The following ASTN1 variants were observed in gnomAD, a reference collection of about 807,000 sequenced individuals.
ASTN1 encodes astrotactin-1.
ASTN1 carries 41 observed loss-of-function variants against 140.7 expected under a neutral mutation model. The ratio of observed to expected loss-of-function variants is 0.29; its 90% CI spans 0.23 to 0.38. The LOEUF (loss-of-function observed/expected upper bound fraction) is 0.38. Among genes scored for constraint, ASTN1 ranks in the 10% least tolerant of loss-of-function variants. The pLI, the probability that ASTN1 is intolerant of heterozygous loss-of-function variation, is 1.00. For missense variants in ASTN1, 1,479 were observed against 1,678.8 expected (o/e 0.88, Z 2.08); for synonymous variants, 640 against 652.2 (o/e 0.98, Z 0.29).
At position 176,935,336 on chromosome 1, in the gene ASTN1, C is replaced by T. The variant is rs115998842; in HGVS notation, c.2482+930G>A. Among the ~76,000 whole-genome samples the T allele has an allele frequency of 7.9e-3, 1,201 of 152,308 alleles. 14 individuals are homozygous for T. The highest frequency in any genetic ancestry group is 0.027 in the African/African-American group (1,139 of 41,548). ...ATGCACAGCATCTGTGCTGGGTGCA[C>T]ATTGACTATGTAAATGGAGTAAAGT... On this transcript the variant is annotated intron_variant, in intron 15 of 22. Transcript: ENST00000361833.
chr1:176,897,080 G>C (rs960459946), intron 16 of ASTN1, among the ~76,000 whole-genome samples: 1 of 152,014 alleles, frequency 6.6e-6, no homozygotes, highest in African/African-American at 2.4e-5. Flanking sequence ...TTCGAGACCA[G>C]CCTGGCCAAC....
chr1:177,008,527 G>A (rs1234944252), intron 8 of ASTN1, among the ~76,000 whole-genome samples: 1 of 149,186 alleles, frequency 6.7e-6, no homozygotes, highest in African/African-American at 2.5e-5. Context: ...GATAGGAAGA[G>A]GGAGAGGAAG....
At chr1:176,969,704 C>T (rs1371669993) in intron 8 of ASTN1, among the ~76,000 whole-genome samples, 4 of 152,148 alleles carry the variant, frequency 2.6e-5, no homozygotes, top group African/African-American at 7.2e-5. Flanking sequence ...ACCCTGCCAT[C>T]GGAAGGAACT....
At position 176,894,713 on chromosome 1, in the gene ASTN1, C is replaced by A. The variant is rs778594879; in HGVS notation, c.2789G>T (p.Arg930Leu). ...SGTKHMAAGV[R>L]MECHSKGRCP... ...TCGTCCCTTGCTGTGGCACTCCATG[C>A]GGACTCCAGCCGCCATGTGCTTGGT... is the stretch of plus-strand genomic sequence containing the variant. The change falls in exon 17 of 23, where the codon CGC becomes CTC. Residue 930 changes from arginine to leucine, a missense_variant. Physicochemically the swap from Arg to Leu is moderately radical, Grantham distance 102. Around this residue, in one of 3 missense-constraint regions of ASTN1, gnomAD observed 746 missense variants for 800.9 expected, o/e 0.93. Transcript: ENST00000361833. 17 of 1,613,958 alleles carry A rather than the reference C, an allele frequency of 1.1e-5. No individual in the cohort carries two copies. Among genetic ancestry groups the A allele is most frequent in the Non-Finnish European group, 1.3e-5 (15 of 1,180,018 alleles).
At chr1:176,977,325 T>C (rs938630850) in intron 8 of ASTN1, among the ~76,000 whole-genome samples, 1 of 152,228 alleles carries the variant, frequency 6.6e-6, no homozygotes, top group Non-Finnish European at 1.5e-5. Flanking sequence ...TTAAAAAATA[T>C]TATCCAGTTT....
intron 20 of ASTN1, 83 bp downstream of exon 20, chr1:176,882,776 G>T (rs1427640756): frequency 1.9e-6 from 3 of 1,560,130 alleles, no homozygotes; most frequent in Non-Finnish European, 2.6e-6. Context: ...GTCTCTAAAG[G>T]AACTCAAGTA....
intron 2 of ASTN1, among the ~76,000 whole-genome samples, chr1:177,048,383 G>T (rs901223312): frequency 1.3e-5 from 2 of 152,182 alleles, no homozygotes; most frequent in Non-Finnish European, 2.9e-5. Flanking sequence ...GCAAGGCAGA[G>T]TCCACCATCC....
intron 8 of ASTN1, among the ~76,000 whole-genome samples, chr1:176,994,090 A>T (rs866189691): frequency 6.6e-6 from 1 of 151,560 alleles, no homozygotes; most frequent in South Asian, 2.1e-4. Flanking sequence ...AGTACTTGAA[A>T]GTTTTCACCC....
downstream of ASTN1, among the ~76,000 whole-genome samples, chr1:176,858,348 C>T (rs996477122): frequency 2.6e-5 from 4 of 152,176 alleles, no homozygotes; most frequent in Non-Finnish European, 5.9e-5. Context: ...TGCTCATTAA[C>T]TGCTCACTTG....
intron 16 of ASTN1, among the ~76,000 whole-genome samples, chr1:176,906,506 G>T (rs1670006741): frequency 6.6e-6 from 1 of 152,086 alleles, no homozygotes; most frequent in African/African-American, 2.4e-5. Flanking sequence ...TATGATAAGA[G>T]GTGTTATTAG....
intron 21 of ASTN1, 66 bp downstream of exon 21, chr1:176,876,471 C>T: frequency 3.9e-6 from 6 of 1,539,092 alleles, no homozygotes; most frequent in Non-Finnish European, 5.4e-6. Flanking sequence ...TCCTTCTGTC[C>T]TCATAGCAAG....
At chr1:176,986,744 C>T (rs1301247720) in intron 8 of ASTN1, among the ~76,000 whole-genome samples, 2 of 152,094 alleles carry the variant, frequency 1.3e-5, no homozygotes, top group Non-Finnish European at 2.9e-5. Context: ...CCATGTAGAA[C>T]AACGATAATA....
intron 1 of ASTN1, among the ~76,000 whole-genome samples, chr1:177,154,252 T>C (rs1558134785): frequency 6.6e-6 from 1 of 152,224 alleles, no homozygotes; most frequent in Non-Finnish European, 1.5e-5. Flanking sequence ...ACAGTCAGAA[T>C]CAATGGATAA....
intron 5 of ASTN1, among the ~76,000 whole-genome samples, chr1:177,028,346 C>T (rs944072484): frequency 3.9e-5 from 6 of 152,108 alleles, no homozygotes; most frequent in African/African-American, 1.4e-4. Context: ...ATTCTCGCCT[C>T]ACAGAACCTG....
At chr1:176,858,192 G>A (rs1667869161), downstream of ASTN1, among the ~76,000 whole-genome samples, 1 of 152,142 alleles carries the variant, frequency 6.6e-6, no homozygotes, top group African/African-American at 2.4e-5. Flanking sequence ...AGCAGACACT[G>A]CAAACTACCA....
intron 7 of ASTN1, among the ~76,000 whole-genome samples, chr1:177,017,692 C>T (rs902020714): frequency 6.6e-6 from 1 of 152,164 alleles, no homozygotes; most frequent in African/African-American, 2.4e-5. Flanking sequence ...AGAGCCCAGC[C>T]AGACAGAGTG....
chr1:177,078,805 T>C (rs1679044138), intron 1 of ASTN1, among the ~76,000 whole-genome samples: 1 of 152,040 alleles, frequency 6.6e-6, no homozygotes, highest in Non-Finnish European at 1.5e-5. Flanking sequence ...AAAGAAAAGA[T>C]TTTCTTTTGC....
intron 1 of ASTN1, among the ~76,000 whole-genome samples, chr1:177,074,407 A>G (rs1678790194): frequency 6.6e-6 from 1 of 152,194 alleles, no homozygotes; most frequent in Non-Finnish European, 1.5e-5. Flanking sequence ...TCTTAAAGGG[A>G]GGATCTATCA....
At chr1:177,108,039 C>T (rs1487012313) in intron 1 of ASTN1, among the ~76,000 whole-genome samples, 1 of 151,874 alleles carries the variant, frequency 6.6e-6, no homozygotes, top group East Asian at 1.9e-4. Context: ...ATATGCTCAC[C>T]CTTCATCTGT....
Sources: gnomAD v4.1 joint callset for allele counts (sites outside exome capture counted in the v4.1 genomes callset) on GRCh38, gnomAD v4.1.1 for gene constraint, gnomAD v4.1.1 regional missense constraint, MANE v1.5 for transcripts, NCBI Gene and HGNC (gene_info 2026-07-23, HGNC 2026-07-21) for gene names.